The following WRN variants were observed in gnomAD, a reference collection of about 807,000 sequenced individuals.
WRN encodes WRN RecQ like helicase, also known as bifunctional 3'-5' exonuclease/ATP-dependent helicase WRN.
In WRN, 149 loss-of-function variants were observed where a neutral mutation model predicts 180.7. The ratio of observed to expected loss-of-function variants is 0.82; its 90% CI spans 0.72 to 0.94. The LOEUF (loss-of-function observed/expected upper bound fraction) is 0.94. Among genes scored for constraint, WRN ranks in the 40% least tolerant of loss-of-function variants. The pLI is 0.00. For missense variants in WRN, 1,661 were observed against 1,700.1 expected (o/e 0.98, Z 0.40); for synonymous variants, 548 against 568.9 (o/e 0.96, Z 0.52).
In WRN at chr8:31,080,868, G is replaced by T. The variant is rs1060500055; in HGVS notation, c.841G>T (p.Val281Phe). 5 of 1,597,688 alleles carry T rather than the reference G, an allele frequency of 3.1e-6. No individual in the cohort carries two copies. The highest frequency in any genetic ancestry group is 4.5e-5 in the East Asian group (2 of 44,728). Residue 281 changes from valine to phenylalanine, a missense_variant and splice_region_variant, in exon 9 of 35, where the codon GTT becomes TTT. Val to Phe is a conservative substitution (Grantham distance 50). Around this residue, in one of 3 missense-constraint regions of WRN, gnomAD observed 500 missense variants for 504.1 expected, o/e 0.99. Coordinates refer to ENST00000298139, the MANE Select transcript of WRN (RefSeq NM_000553.6). ...AFSKLENPRR[V>F]SILLKDISEN... is the part of the protein sequence containing the mutation. ...AATCTTTCTTAATTTTTTTTTTAGGGTTTCTATCTTACTAAAGGATATTTC... is the reference window on the plus strand; with the variant it reads ...AATCTTTCTTAATTTTTTTTTTAGGTTTTCTATCTTACTAAAGGATATTTC...
intron 18 of WRN, among the ~76,000 whole-genome samples, chr8:31,103,727 A>AT (rs148671126): frequency 0.031 from 4,645 of 151,098 alleles, 244 homozygotes; most frequent in African/African-American, 0.11. Context: ...AAGGTTCTTT[A>AT]TTTTTTTTTA....
intron 1 of WRN, among the ~76,000 whole-genome samples, chr8:31,057,205 A>G (rs1291876141): frequency 1.3e-5 from 2 of 152,194 alleles, no homozygotes; most frequent in Admixed American, 6.5e-5. Context: ...ACTACCCTCA[A>G]ATCATAAGTA....
chr8:31,110,230 A>T lies in WRN; in HGVS notation c.2089-1385A>T, dbSNP rs185019646. ...CACAGATGCACCCATGTTAGGGGTTAATTAGAGAAACCAACCTCTTTATAG... is the reference window on the plus strand; with the variant it reads ...CACAGATGCACCCATGTTAGGGGTTTATTAGAGAAACCAACCTCTTTATAG... On this transcript the variant is annotated intron_variant, in intron 18 of 34. Transcript: ENST00000298139. Among the ~76,000 whole-genome samples the T allele has an allele frequency of 2.1e-3, 322 of 152,270 alleles. 4 individuals carry two copies. The highest frequency in any genetic ancestry group is 7.4e-3 in the African/African-American group (308 of 41,552).
chr8:31,072,671 A>G (rs963509672), intron 7 of WRN, among the ~76,000 whole-genome samples: 2 of 152,240 alleles, frequency 1.3e-5, no homozygotes, highest in African/African-American at 4.8e-5. Context: ...TGTTTTAGAA[A>G]TAACGAAGGC....
At chr8:31,082,395 C>T (rs534361041) in intron 9 of WRN, among the ~76,000 whole-genome samples, 40 of 152,248 alleles carry the variant, frequency 2.6e-4, no homozygotes, top group Admixed American at 1.6e-3. Flanking sequence ...TTAGTAATCA[C>T]TTTTATCAGT....
In WRN at chr8:31,088,872, A is replaced by C. The variant is rs762492698; in HGVS notation, c.1577-18A>C. 2 of 1,600,712 alleles carry C rather than the reference A, an allele frequency of 1.2e-6. No individual in the cohort carries two copies. The highest frequency in any genetic ancestry group is 2.7e-5 in the African/African-American group (2 of 74,706). On this transcript the variant is annotated intron_variant, in intron 12 of 34. Coordinates refer to ENST00000298139, the MANE Select transcript of WRN (RefSeq NM_000553.6). ...TTTTTCTACTTGAACATAAATGCAC[A>C]TTTTATTTTATTTCCAGACTTTTTG... is the stretch of plus-strand genomic sequence containing the variant.
chr8:31,170,130 A>G (rs1053193610), intron 34 of WRN, among the ~76,000 whole-genome samples: 1 of 152,012 alleles, frequency 6.6e-6, no homozygotes, highest in East Asian at 1.9e-4. Context: ...GTTTGCCCCT[A>G]CATTCTTACA....
At chr8:31,034,817 G>T (rs969992883) in intron 1 of WRN, among the ~76,000 whole-genome samples, 3 of 152,122 alleles carry the variant, frequency 2.0e-5, no homozygotes, top group Non-Finnish European at 2.9e-5. Context: ...GGTTTACAGA[G>T]ATACCATTGC....
intron 1 of WRN, among the ~76,000 whole-genome samples, chr8:31,036,700 T>C (rs1811464884): frequency 1.3e-5 from 2 of 152,236 alleles, no homozygotes; most frequent in African/African-American, 2.4e-5. Flanking sequence ...ATATGGTTTT[T>C]TAATTTTTTT....
chr8:31,035,515 T>G (rs1811419648), intron 1 of WRN, among the ~76,000 whole-genome samples: 1 of 151,842 alleles, frequency 6.6e-6, no homozygotes, highest in Non-Finnish European at 1.5e-5. Flanking sequence ...AGGTCAGAGG[T>G]CAGGCCAGAA....
At chr8:31,067,485 A>G (rs960790916) in intron 6 of WRN, among the ~76,000 whole-genome samples, 1 of 152,214 alleles carries the variant, frequency 6.6e-6, no homozygotes, top group South Asian at 2.1e-4. Flanking sequence ...TAATAAATCC[A>G]GGCTGAGCAA....
chr8:31,109,642 T>G (rs1801228977), intron 18 of WRN, among the ~76,000 whole-genome samples: 1 of 152,020 alleles, frequency 6.6e-6, no homozygotes, highest in Non-Finnish European at 1.5e-5. Flanking sequence ...TTTGAGTGCT[T>G]ACTATATTTT....
rs576208057 is a variant in WRN, at chr8:31,147,372, A to G, written c.3468A>G (p.Leu1156=). 10 of 1,614,010 alleles carry G rather than the reference A, an allele frequency of 6.2e-6. No individual in the cohort carries two copies. Among genetic ancestry groups the G allele is most frequent in the South Asian group, 3.3e-5 (3 of 91,082 alleles). The change falls in exon 30 of 35, where the codon TTA becomes TTG. Residue 1156 remains leucine (L), a synonymous_variant. Coordinates refer to ENST00000298139, the MANE Select transcript of WRN (RefSeq NM_000553.6). The stretch of plus-strand genomic sequence containing the variant: ...CTTTGTTTTTTGTTCAGATTGTGTT[A>G]TATGGCAAATTGGTAGAAGCTAGGC... ...SAQEQETQIV[L]YGKLVEARQK... is the part of the protein sequence containing the mutation.
intron 12 of WRN, among the ~76,000 whole-genome samples, 188 bp downstream of exon 12, chr8:31,088,108 A>G (rs1018706044): frequency 3.9e-5 from 6 of 152,312 alleles, no homozygotes; most frequent in Non-Finnish European, 8.8e-5. Context: ...ACTTAGAAAA[A>G]TAGAGTAATA....
intron 10 of WRN, 42 bp downstream of exon 10, chr8:31,083,821 A>G (rs775777858): frequency 7.7e-7 from 1 of 1,298,094 alleles, no homozygotes; most frequent in South Asian, 1.2e-5. Flanking sequence ...AGTTCTTTCC[A>G]AAGGACATTT....
At chr8:31,163,596 C>A (rs1192541056) in intron 33 of WRN, among the ~76,000 whole-genome samples, 1 of 152,006 alleles carries the variant, frequency 6.6e-6, no homozygotes, top group East Asian at 1.9e-4. Flanking sequence ...ATGAGTGAAA[C>A]AAATTAACTT....
At chr8:31,122,860 GTTTTTTTTTTTTT>G (rs71206298) in intron 21 of WRN, among the ~76,000 whole-genome samples, 5 of 69,480 alleles carry the variant, frequency 7.2e-5, no homozygotes, top group Non-Finnish European at 1.3e-4. Flanking sequence ...TTCTTTTCTT[GTTTTTTTTTTTTT>G]TTTTTTTTTT....
At chr8:31,142,850 G>A in intron 27 of WRN, 149 bp downstream of exon 27, 1 of 598,118 alleles carries the variant, frequency 1.7e-6, no homozygotes, top group Non-Finnish European at 2.8e-6. Context: ...GATGTGAACA[G>A]ACTAAAATTT....
Position 31,116,507 on chromosome 8 carries a change from G to A in WRN, c.2427G>A (p.Arg809=), listed in dbSNP as rs1801528992. The A allele has an allele frequency of 1.2e-6, 2 of 1,613,898 alleles. No individual in the cohort carries two copies. The highest frequency in any genetic ancestry group is 1.7e-6 in the Non-Finnish European group (2 of 1,179,892). The change falls in exon 20 of 35, where the codon AGG becomes AGA. Residue 809 remains arginine, a synonymous_variant. Coordinates refer to ENST00000298139, the MANE Select transcript of WRN (RefSeq NM_000553.6). The part of the protein sequence containing the change: ...SFSTRKDIHH[R]FVRDEIQCVI... ...GCACAAGGAAAGACATTCATCATAG[G>A]TTTGTAAGAGATGAAATTCAGGTAT...
Sources: gnomAD v4.1 joint callset for allele counts (sites outside exome capture counted in the v4.1 genomes callset) on GRCh38, gnomAD v4.1.1 for gene constraint, gnomAD v4.1.1 regional missense constraint, MANE v1.5 for transcripts, NCBI Gene and HGNC (gene_info 2026-07-23, HGNC 2026-07-21) for gene names.